The following ALG8 variants were observed in gnomAD, a reference collection of about 807,000 sequenced individuals.
ALG8 encodes dolichyl pyrophosphate Glc1Man9GlcNAc2 alpha-1,3-glucosyltransferase.
A neutral mutation model predicts 70.2 loss-of-function variants in ALG8; 48 were observed. The ratio of observed to expected loss-of-function variants is 0.68; its 90% confidence interval spans 0.54 to 0.87. The LOEUF (loss-of-function observed/expected upper bound fraction) is 0.87. Ranked by LOEUF, ALG8 falls within the 40% of genes least tolerant of loss-of-function variation. The pLI, the probability that ALG8 is intolerant of heterozygous loss-of-function variation, is 0.00. For missense variants in ALG8, 572 were observed against 608.7 expected (o/e 0.94, Z 0.64); for synonymous variants, 234 against 229.0 (o/e 1.02, Z -0.20).
At chr11:78,124,959 A>C (rs1320834892) in intron 2 of ALG8, among the ~76,000 whole-genome samples, 1 of 152,144 alleles carries the variant, frequency 6.6e-6, no homozygotes, top group Non-Finnish European at 1.5e-5. Flanking sequence ...CTAATGAGTA[A>C]ATGAAAACAG....
intron 1 of ALG8, among the ~76,000 whole-genome samples, chr11:78,129,876 A>AG (rs60536856): frequency 0.22 from 33,076 of 152,070 alleles, 4,429 homozygotes; most frequent in African/African-American, 0.38. Flanking sequence ...TTTGAGAACC[A>AG]TGCTATCTAG....
In ALG8 at chr11:78,101,081, G is replaced by A. The variant is rs493394; in HGVS notation, c.1464C>T (p.Pro488=). 1.2e-6 allele frequency: 2 copies of A among 1,614,060 alleles called. No individual in the cohort carries two copies. The highest frequency in any genetic ancestry group is 4.5e-5 in the East Asian group (2 of 44,902). Residue 488 remains proline, a synonymous_variant, in exon 13 of 13, where the codon CCC becomes CCT. Coordinates refer to ENST00000299626, the MANE Select transcript of ALG8 (RefSeq NM_024079.5). ...FPFTSWKVKY[P]FIPLLLTSVY... ...CTGAGGTTAGTAACAAAGGGATGAA[G>A]GGGTACTTCACCTTCCAGGAGGTGA... is the stretch of plus-strand genomic sequence containing the variant.
Position 78,110,626 on chromosome 11 carries a change from A to G in ALG8, c.899-1045T>C, listed in dbSNP as rs1219768144. Among the ~76,000 whole-genome samples, 3 of 152,316 alleles carry G rather than the reference A, an allele frequency of 2.0e-5. No homozygotes were observed. The East Asian group carries it at 5.8e-4, about 29-fold the overall frequency. On this transcript the variant is annotated intron_variant, in intron 8 of 12. Transcript: ENST00000299626. ...TCTATCCCCAGTACATAGGAGCTCA[A>G]TAAATACTTGGTTATTAAATAAATC...
rs1431264454 is a variant in ALG8 at position 78,100,989 on chromosome 11, GCAGAGT to G, written c.1550_1555del (p.Asp517_Ser518del). 6.2e-7 allele frequency: 1 copy of G among 1,614,042 alleles called. No homozygotes were observed. Among genetic ancestry groups the G allele is most frequent in the Non-Finnish European group, 8.5e-7 (1 of 1,179,922 alleles). ...TCATTGTTTCTTTGTCTTGCCAATA[GCAGAGT>G]CAATCAATACTGAAACATACAGTTT... On this transcript the variant is annotated inframe_deletion, in exon 13 of 13. Coordinates refer to ENST00000299626, the MANE Select transcript of ALG8 (RefSeq NM_024079.5).
intron 1 of ALG8, among the ~76,000 whole-genome samples, chr11:78,128,025 C>G (rs1348710992): frequency 6.6e-6 from 1 of 152,166 alleles, no homozygotes; most frequent in Admixed American, 6.5e-5. Flanking sequence ...TTCTTACAGG[C>G]GGCCCTCAGG....
chr11:78,126,158 C>CA (rs925446452), intron 2 of ALG8, among the ~76,000 whole-genome samples: 5 of 147,762 alleles, frequency 3.4e-5, no homozygotes, highest in African/African-American at 7.5e-5. Context: ...GACTCCGTCT[C>CA]AAAAAAAAAA....
rs150604152 is a variant in ALG8 at position 78,123,734 on chromosome 11, G to C, written c.368+287C>G. 6.2e-4 allele frequency among the ~76,000 whole-genome samples: 94 copies of C among 152,282 alleles called. 3 individuals carry two copies. The East Asian group carries it at 0.017, about 27-fold the overall frequency. ...AGAAAAACATATGGAGCTATTCTGGGTGGGAGAAATGGCCCTAGAACTATA... is the reference window on the plus strand; with the variant it reads ...AGAAAAACATATGGAGCTATTCTGGCTGGGAGAAATGGCCCTAGAACTATA... On this transcript the variant is annotated intron_variant, in intron 3 of 12. Transcript: ENST00000299626.
At chr11:78,107,116 A>C (rs1352599639) in intron 9 of ALG8, among the ~76,000 whole-genome samples, 170 bp from the exon 10 acceptor site, 1 of 151,696 alleles carries the variant, frequency 6.6e-6, no homozygotes, top group Non-Finnish European at 1.5e-5. Context: ...AAAAGTTAAC[A>C]TAAAAGCAAC....
intron 8 of ALG8, 25 bp downstream of exon 8, chr11:78,112,625 G>A (rs1487087859): frequency 2.5e-6 from 4 of 1,612,414 alleles, no homozygotes; most frequent in Non-Finnish European, 3.4e-6. Context: ...TTCAGAGTCT[G>A]AGTAAAAAAT....
chr11:78,124,742 A>G (rs1283553546), intron 2 of ALG8, among the ~76,000 whole-genome samples: 1 of 152,206 alleles, frequency 6.6e-6, no homozygotes, highest in Non-Finnish European at 1.5e-5. Context: ...TTGTAAAATG[A>G]GGTATTATGA....
At chr11:78,121,197 A>G (rs1261384523) in intron 3 of ALG8, 23 bp from the exon 4 acceptor site, 1 of 1,529,738 alleles carries the variant, frequency 6.5e-7, no homozygotes, top group Admixed American at 1.7e-5. Context: ...ATTAGGAAAG[A>G]AACAGAAACA....
At chr11:78,120,240 C>T (rs1214344233) in intron 4 of ALG8, among the ~76,000 whole-genome samples, 4 of 152,066 alleles carry the variant, frequency 2.6e-5, no homozygotes, top group Non-Finnish European at 5.9e-5. Flanking sequence ...GTTTTTCCTA[C>T]CTTTTCTACC....
chr11:78,126,354 A>G (rs916224298), intron 2 of ALG8, among the ~76,000 whole-genome samples: 10 of 150,824 alleles, frequency 6.6e-5, no homozygotes, highest in African/African-American at 2.0e-4. Flanking sequence ...AACATGGGGA[A>G]ACCCCCTCTT....
Position 78,139,563 on chromosome 11 carries a change from C to T in ALG8, c.26G>A (p.Gly9Asp). 2 of 1,559,630 alleles carry T rather than the reference C, an allele frequency of 1.3e-6. No homozygotes were observed. Among genetic ancestry groups the T allele is most frequent in the Non-Finnish European group, 1.7e-6 (2 of 1,151,298 alleles). Residue 9 changes from glycine to aspartate, a missense_variant, in exon 1 of 13, where the codon GGT (glycine) becomes GAT (aspartate). Physicochemically the swap from Gly to Asp is moderately conservative, Grantham distance 94 (BLOSUM62 -1). Transcript: ENST00000299626. ...CAAAGCCGAAAACCAATTGCCAGTA[C>T]CCGTGGCAATTGTGAGCGCCGCCAT... MAALTIAT[G>D]TGNWFSALAL...
intron 12 of ALG8, 82 bp from the exon 13 acceptor site, chr11:78,101,277 T>C: frequency 2.7e-6 from 3 of 1,112,964 alleles, no homozygotes; most frequent in African/African-American, 1.5e-5. Context: ...AGCTTCCCCA[T>C]CTGCACTGTC....
rs114764861 is a variant in ALG8 at position 78,138,751 on chromosome 11, C to T, written c.95+743G>A. The T allele has an allele frequency of 6.1e-4, 278 of 456,354 alleles. 1 individual carries two copies. The highest frequency in any genetic ancestry group is 5.1e-3 in the African/African-American group (258 of 50,204). 28.3% of individuals were successfully genotyped at this position (456,354 alleles called of 1,614,324 possible). On this transcript the variant is annotated intron_variant, in intron 1 of 12. Transcript: ENST00000299626. ...TTTCATGGTTGCTTCTTGGTTTCCA[C>T]GCTTTCAGTCTTGGCCCTACATCCA...
At chr11:78,130,221 C>T (rs1861245166) in intron 1 of ALG8, among the ~76,000 whole-genome samples, 1 of 151,926 alleles carries the variant, frequency 6.6e-6, no homozygotes, top group Non-Finnish European at 1.5e-5. Flanking sequence ...TGGCGGCACG[C>T]CCCTGTAGTC....
At chr11:78,117,166 A>G (rs1312723728) in intron 5 of ALG8, among the ~76,000 whole-genome samples, 2 of 152,146 alleles carry the variant, frequency 1.3e-5, no homozygotes, top group Admixed American at 6.6e-5. Flanking sequence ...TACAACTAAG[A>G]ATGTAGCGGT....
At position 78,106,926 on chromosome 11, in the gene ALG8, C is replaced by G. The variant is rs907399574; in HGVS notation, c.1059G>C (p.Trp353Cys). Reference sequence around the variant, plus strand: ...AGCCTCTGGGCCCTTGGGGTTTAAACCAAAGACAGAAAATAGAGGGCTAGA... The same window carrying G: ...AGCCTCTGGGCCCTTGGGGTTTAAAGCAAAGACAGAAAATAGAGGGCTAGA... Reference protein sequence around the residue: ...IAILPSIFCLWFKPQGPRGFL... With the variant: ...IAILPSIFCLCFKPQGPRGFL... The change falls in exon 10 of 13, where the codon TGG becomes TGC. Residue 353 changes from tryptophan (W) to cysteine (C), a missense_variant. Coordinates refer to ENST00000299626, the MANE Select transcript of ALG8 (RefSeq NM_024079.5). The G allele has an allele frequency of 6.2e-7, 1 of 1,613,908 alleles. No individual in the cohort carries two copies. Among genetic ancestry groups the G allele is most frequent in the Non-Finnish European group, 8.5e-7 (1 of 1,179,958 alleles).
Sources: gnomAD v4.1 joint callset for allele counts (sites outside exome capture counted in the v4.1 genomes callset) on GRCh38, gnomAD v4.1.1 for gene constraint, MANE v1.5 for transcripts, NCBI Gene and HGNC (gene_info 2026-07-23, HGNC 2026-07-21) for gene names.